RIT2: variants seen among roughly 807,000 people sequenced by gnomAD.
RIT2 encodes the protein GTP-binding protein Rit2.
RIT2 carries 24 observed loss-of-function variants against 23.7 expected under a neutral mutation model. The observed-to-expected ratio is 1.01, with a 90% CI of 0.73 to 1.43. RIT2 has a LOEUF of 1.43. RIT2 is among the 40% of genes most tolerant of loss of function. The pLI is 0.00. For missense variants in RIT2, 236 were observed against 266.9 expected, an observed-to-expected ratio of 0.88 and a Z score of 0.81; for synonymous variants, 107 against 91.1, an observed-to-expected ratio of 1.17 and a Z score of -0.99.
intron 2 of RIT2, among the ~76,000 whole-genome samples, chr18:42,985,862 G>C (rs1305779476): frequency 6.6e-6 from 1 of 151,704 alleles, no homozygotes; most frequent in Admixed American, 6.6e-5. Flanking sequence ...ATATAAAATG[G>C]CATAAAGTAA....
intron 1 of RIT2, among the ~76,000 whole-genome samples, chr18:43,105,142 G>T (rs557298557): frequency 2.0e-3 from 292 of 149,414 alleles, no homozygotes; most frequent in African/African-American, 6.9e-3. Flanking sequence ...TTGTGTGTGT[G>T]TGTGTGTGTT....
intron 4 of RIT2, among the ~76,000 whole-genome samples, chr18:42,904,253 G>A (rs897598659): frequency 4.6e-5 from 7 of 152,128 alleles, no homozygotes; most frequent in African/African-American, 1.7e-4. Flanking sequence ...CAAAGTTTGA[G>A]AGTATTAGAA....
intron 1 of RIT2, among the ~76,000 whole-genome samples, chr18:43,103,668 G>A (rs1015968293): frequency 5.3e-5 from 8 of 152,186 alleles, no homozygotes; most frequent in Non-Finnish European, 1.0e-4. Context: ...GAAAGGAGGA[G>A]AGAGCTTATT....
chr18:42,944,958 G>C (rs973318008), intron 3 of RIT2, among the ~76,000 whole-genome samples: 2 of 152,072 alleles, frequency 1.3e-5, no homozygotes, highest in South Asian at 2.1e-4. Flanking sequence ...ATCTAGGAGA[G>C]ACAAGAGGGC....
chr18:43,010,208 C>A (rs1183252012), intron 2 of RIT2, among the ~76,000 whole-genome samples: 1 of 151,792 alleles, frequency 6.6e-6, no homozygotes, highest in African/African-American at 2.4e-5. Context: ...GAAAACACTG[C>A]AGGTTTGTAG....
chr18:42,889,386 C>T (rs1364870157), intron 4 of RIT2, among the ~76,000 whole-genome samples: 3 of 151,872 alleles, frequency 2.0e-5, no homozygotes, highest in African/African-American at 7.3e-5. Flanking sequence ...TTTCACTCCA[C>T]CTTAGATGAA....
intron 4 of RIT2, among the ~76,000 whole-genome samples, chr18:42,778,893 C>T (rs1185289002): frequency 3.4e-4 from 51 of 152,142 alleles, no homozygotes. Flanking sequence ...TCAGTTGCAG[C>T]TCTGAAAAAT....
chr18:42,833,099 T>TGTATGTTTG (rs1345994230), intron 4 of RIT2, among the ~76,000 whole-genome samples: 2 of 151,700 alleles, frequency 1.3e-5, no homozygotes, highest in African/African-American at 4.8e-5. Flanking sequence ...TTTATCTAAT[T>TGTATGTTTG]GTATGTTTGT....
At chr18:42,877,577 T>G (rs1907776931) in intron 4 of RIT2, among the ~76,000 whole-genome samples, 1 of 150,636 alleles carries the variant, frequency 6.6e-6, no homozygotes, top group Admixed American at 6.6e-5. Flanking sequence ...TATATACAAA[T>G]AAAGATTTAT....
At chr18:42,891,984 T>C (rs553876662) in intron 4 of RIT2, among the ~76,000 whole-genome samples, 1 of 152,186 alleles carries the variant, frequency 6.6e-6, no homozygotes, top group Non-Finnish European at 1.5e-5. Flanking sequence ...GCTTTGTATG[T>C]GTGAGGGCAG....
intron 2 of RIT2, among the ~76,000 whole-genome samples, chr18:43,009,169 C>A (rs1319558004): frequency 1.3e-5 from 2 of 151,516 alleles, no homozygotes; most frequent in African/African-American, 4.8e-5. Context: ...TCTAAAAAAA[C>A]CGAAGACATC....
chr18:43,042,046 A>G (rs1452262011), intron 1 of RIT2, among the ~76,000 whole-genome samples: 2 of 152,226 alleles, frequency 1.3e-5, no homozygotes, highest in Non-Finnish European at 2.9e-5. Context: ...AATTTAGAGA[A>G]TAATACAATC....
At position 42,809,166 on chromosome 18, in the gene RIT2, A is replaced by G. The variant is rs527583337; in HGVS notation, c.427-65446T>C. Among the ~76,000 whole-genome samples, 3 of 152,274 alleles carry G rather than the reference A, an allele frequency of 2.0e-5. No homozygotes were observed. The East Asian group carries it at 5.8e-4, about 29-fold the overall frequency. On this transcript the variant is annotated intron_variant, in intron 4 of 4. Coordinates refer to ENST00000326695, the MANE Select transcript of RIT2 (RefSeq NM_002930.4). ...ATTCTGACTATATTGTGTTTTGAAA[A>G]TCATCTGATTTGAGTCATAAAATTT...
At chr18:42,819,414 A>G (rs1906087141) in intron 4 of RIT2, among the ~76,000 whole-genome samples, 1 of 152,070 alleles carries the variant, frequency 6.6e-6, no homozygotes, top group African/African-American at 2.4e-5. Context: ...TTTCCAAAGA[A>G]TATCATGTTG....
At chr18:43,038,063 G>A (rs1912023430) in intron 1 of RIT2, among the ~76,000 whole-genome samples, 1 of 151,848 alleles carries the variant, frequency 6.6e-6, no homozygotes, top group Non-Finnish European at 1.5e-5. Flanking sequence ...AAATGGGCTG[G>A]GCATGGTGGT....
intron 4 of RIT2, among the ~76,000 whole-genome samples, chr18:42,901,341 T>A (rs944403041): frequency 6.6e-6 from 1 of 152,096 alleles, no homozygotes; most frequent in South Asian, 2.1e-4. Flanking sequence ...GAACACTATT[T>A]TTGTTTGAGA....
intron 1 of RIT2, among the ~76,000 whole-genome samples, chr18:43,082,534 T>C (rs536514527): frequency 4.6e-5 from 7 of 152,194 alleles, no homozygotes; most frequent in Non-Finnish European, 1.0e-4. Context: ...TCTGCCACGT[T>C]CAAGTCAACG....
chr18:42,752,767 G>C (rs1006826391), intron 4 of RIT2, among the ~76,000 whole-genome samples: 3 of 152,104 alleles, frequency 2.0e-5, no homozygotes, highest in Non-Finnish European at 2.9e-5. Context: ...TGGGGGTGGG[G>C]AAGAAATGTT....
At chr18:42,981,508 G>A (rs1453616838) in intron 2 of RIT2, among the ~76,000 whole-genome samples, 1 of 151,846 alleles carries the variant, frequency 6.6e-6, no homozygotes, top group East Asian at 1.9e-4. Context: ...TGCTATTTCT[G>A]GGAAGATAAA....
Sources: gnomAD v4.1 joint callset for allele counts (sites outside exome capture counted in the v4.1 genomes callset) on GRCh38, gnomAD v4.1.1 for gene constraint, MANE v1.5 for transcripts, NCBI Gene and HGNC (gene_info 2026-07-23, HGNC 2026-07-21) for gene names.